Variants in SUPT3H observed in about 807,000 individuals in gnomAD.
The protein encoded by SUPT3H is transcription initiation protein SPT3 homolog.
Under a neutral mutation model 44.3 loss-of-function variants are expected in SUPT3H, and 44 were observed. The ratio of observed to expected loss-of-function variants is 0.99; its 90% CI spans 0.78 to 1.28. The LOEUF (loss-of-function observed/expected upper bound fraction) is 1.28, where lower values mean the gene tolerates loss of function less well. SUPT3H is among the 50% of genes most tolerant of loss of function. The pLI, the probability that SUPT3H is intolerant of heterozygous loss-of-function variation, is 0.00. For synonymous variants in SUPT3H, 124 were observed against 125.6 expected (o/e 0.99, Z 0.09); for missense variants, 380 against 387.1 (o/e 0.98, Z 0.15).
chr6:44,927,804 A>G (rs936597958), intron 10 of SUPT3H, among the ~76,000 whole-genome samples: 1 of 152,230 alleles, frequency 6.6e-6, no homozygotes, highest in Non-Finnish European at 1.5e-5. Flanking sequence ...AAACCACATT[A>G]TTATTGAAAT....
intron 5 of SUPT3H, among the ~76,000 whole-genome samples, chr6:45,008,948 C>T (rs1583026743): frequency 1.3e-5 from 2 of 152,100 alleles, no homozygotes; most frequent in African/African-American, 4.8e-5. Flanking sequence ...ACTATGTTGG[C>T]CAGGCTGGTC....
intron 10 of SUPT3H, among the ~76,000 whole-genome samples, chr6:44,830,556 C>T (rs1384709012): frequency 6.6e-6 from 1 of 152,130 alleles, no homozygotes; most frequent in Non-Finnish European, 1.5e-5. Context: ...GCATGCTTTT[C>T]ATTCCAAGAG....
chr6:44,931,979 C>T (rs1770663763), intron 10 of SUPT3H, among the ~76,000 whole-genome samples: 2 of 152,076 alleles, frequency 1.3e-5, no homozygotes, highest in South Asian at 4.1e-4. Flanking sequence ...ACTTTACTTT[C>T]TGTTGAACTA....
intron 2 of SUPT3H, among the ~76,000 whole-genome samples, chr6:45,156,560 T>C (rs1807845481): frequency 6.6e-6 from 1 of 151,318 alleles, no homozygotes; most frequent in Non-Finnish European, 1.5e-5. Flanking sequence ...TCTGTTCTAA[T>C]ACTAATATAA....
chr6:45,046,788 G>A (rs1413806329), intron 3 of SUPT3H, among the ~76,000 whole-genome samples: 2 of 152,174 alleles, frequency 1.3e-5, no homozygotes, highest in East Asian at 1.9e-4. Context: ...TTTTAATAGA[G>A]GCTGCAATGA....
intron 2 of SUPT3H, among the ~76,000 whole-genome samples, chr6:45,175,602 T>C (rs1306953583): frequency 6.6e-6 from 1 of 152,116 alleles, no homozygotes; most frequent in Admixed American, 6.5e-5. Context: ...GATCTTCTTA[T>C]CTCTAGCAGC....
intron 4 of SUPT3H, among the ~76,000 whole-genome samples, chr6:45,018,191 G>A (rs1416654492): frequency 6.6e-6 from 1 of 152,096 alleles, no homozygotes; most frequent in Non-Finnish European, 1.5e-5. Flanking sequence ...TTTGTACATT[G>A]ATTTTGTATC....
chr6:45,311,438 A>G (rs1005740610), intron 2 of SUPT3H, among the ~76,000 whole-genome samples: 1 of 152,222 alleles, frequency 6.6e-6, no homozygotes, highest in Non-Finnish European at 1.5e-5. Flanking sequence ...AGACCTAGAC[A>G]TCCAAATACA....
chr6:44,900,493 C>T (rs568561366), intron 10 of SUPT3H, among the ~76,000 whole-genome samples: 7 of 152,190 alleles, frequency 4.6e-5, no homozygotes, highest in Non-Finnish European at 8.8e-5. Flanking sequence ...CTGCCATTGC[C>T]GAGGCTTGAG....
intron 5 of SUPT3H, among the ~76,000 whole-genome samples, chr6:45,005,005 A>C (rs931049439): frequency 1.7e-4 from 26 of 152,182 alleles, no homozygotes; most frequent in African/African-American, 6.3e-4. Flanking sequence ...CATCCCATCC[A>C]TATGGCATTC....
chr6:44,863,933 G>GC (rs1775073358), intron 10 of SUPT3H, among the ~76,000 whole-genome samples: 1 of 151,776 alleles, frequency 6.6e-6, no homozygotes, highest in East Asian at 1.9e-4. Flanking sequence ...GGGAGAAACT[G>GC]CCCCCATGAT....
intron 2 of SUPT3H, among the ~76,000 whole-genome samples, chr6:45,190,923 A>G (rs1317993074): frequency 6.6e-6 from 1 of 152,104 alleles, no homozygotes; most frequent in Non-Finnish European, 1.5e-5. Flanking sequence ...CCATATGCTG[A>G]CAAAGGTGTG....
At chr6:44,858,333 C>T (rs529375700) in intron 10 of SUPT3H, among the ~76,000 whole-genome samples, 110 of 152,172 alleles carry the variant, frequency 7.2e-4, no homozygotes, top group Non-Finnish European at 1.1e-3. Flanking sequence ...GTGCTTGTTA[C>T]ATGTCAAGTG....
chr6:44,878,553 T>G (rs546742159), intron 10 of SUPT3H, among the ~76,000 whole-genome samples: 1 of 152,176 alleles, frequency 6.6e-6, no homozygotes, highest in South Asian at 2.1e-4. Context: ...CATCCATTGG[T>G]TAGGTTGTGG....
At chr6:45,237,601 G>T (rs993183623) in intron 2 of SUPT3H, among the ~76,000 whole-genome samples, 1 of 152,134 alleles carries the variant, frequency 6.6e-6, no homozygotes, top group East Asian at 1.9e-4. Flanking sequence ...TTCCCGCCAA[G>T]GTTTAGGTTA....
At position 44,827,006 on chromosome 6, in the gene SUPT3H, C is replaced by T. The variant is rs1470486205; in HGVS notation, c.*2810G>A. On this transcript the variant is annotated 3_prime_UTR_variant, in exon 11 of 11. Coordinates refer to ENST00000371459, the MANE Select transcript of SUPT3H (RefSeq NM_003599.4). ...TAATGGCATAACCCTCTAAATGGCA[C>T]GTTCAGAAAGTTATACTTCCAAATT... Among the ~76,000 whole-genome samples, 1 of 152,122 alleles carries T rather than the reference C, an allele frequency of 6.6e-6. No homozygotes were observed. The highest frequency in any genetic ancestry group is 1.5e-5 in the Non-Finnish European group (1 of 68,006).
At chr6:45,055,398 A>G (rs1410171529) in intron 3 of SUPT3H, among the ~76,000 whole-genome samples, 2 of 152,188 alleles carry the variant, frequency 1.3e-5, no homozygotes, top group Non-Finnish European at 2.9e-5. Flanking sequence ...TCTGGTGGCA[A>G]CACAGTACCC....
Position 44,827,640 on chromosome 6 carries a change from C to A in SUPT3H, c.*2176G>T, listed in dbSNP as rs1767911213. Among the ~76,000 whole-genome samples the A allele has an allele frequency of 6.6e-6, 1 of 151,974 alleles. No homozygotes were observed. Among genetic ancestry groups the A allele is most frequent in the Non-Finnish European group, 1.5e-5 (1 of 67,932 alleles). On this transcript the variant is annotated 3_prime_UTR_variant, in exon 11 of 11. Transcript: ENST00000371459. Reference sequence around the variant, plus strand: ...TCCTTCTGTAAATTTTCTTTTGTTTCTATAGTCACTGCTGAAGGAAGTTTT... The same window carrying A: ...TCCTTCTGTAAATTTTCTTTTGTTTATATAGTCACTGCTGAAGGAAGTTTT...
At chr6:45,053,914 C>CAAAAAAAA (rs56734466) in intron 3 of SUPT3H, among the ~76,000 whole-genome samples, 1 of 79,672 alleles carries the variant, frequency 1.3e-5, no homozygotes, top group African/African-American at 4.5e-5. Context: ...GACTCCGTCT[C>CAAAAAAAA]AAAAAAAAAA....
Sources: gnomAD v4.1 joint callset for allele counts (sites outside exome capture counted in the v4.1 genomes callset) on GRCh38, gnomAD v4.1.1 for gene constraint, MANE v1.5 for transcripts, NCBI Gene and HGNC (gene_info 2026-07-23, HGNC 2026-07-21) for gene names.